Variants in AXDND1 observed in about 807,000 individuals in gnomAD.
AXDND1 encodes axonemal dynein light chain domain-containing protein 1.
A neutral mutation model predicts 137.5 loss-of-function variants in AXDND1; 110 were observed. That is an observed-to-expected ratio of 0.80 (90% CI 0.69 to 0.94). AXDND1 has a LOEUF of 0.94. Ranked by LOEUF, AXDND1 falls within the 40% of genes least tolerant of loss-of-function variation. The pLI, the probability that AXDND1 is intolerant of heterozygous loss-of-function variation, is 0.00. For synonymous variants in AXDND1, 414 were observed against 399.7 expected (o/e 1.04, Z -0.43); for missense variants, 1,191 against 1,169.8 (o/e 1.02, Z -0.26).
chr1:179,471,286 T>C (rs1663900825), intron 17 of AXDND1, among the ~76,000 whole-genome samples: 1 of 152,204 alleles, frequency 6.6e-6, no homozygotes, highest in Non-Finnish European at 1.5e-5. Flanking sequence ...TTGGAAGATA[T>C]TGTGAAGAAT....
At chr1:179,520,793 T>A (rs1669976910) in intron 21 of AXDND1, among the ~76,000 whole-genome samples, 1 of 150,740 alleles carries the variant, frequency 6.6e-6, no homozygotes, top group South Asian at 2.1e-4. Flanking sequence ...TATGCCTGAA[T>A]ATTTTATTTT....
intron 11 of AXDND1, among the ~76,000 whole-genome samples, chr1:179,409,006 G>T (rs971176147): frequency 7.5e-6 from 1 of 132,698 alleles, no homozygotes; most frequent in Non-Finnish European, 1.6e-5. Context: ...AATGACATTG[G>T]TATTTTGATA....
intron 12 of AXDND1, among the ~76,000 whole-genome samples, chr1:179,416,847 G>A (rs1654782668): frequency 6.6e-6 from 1 of 152,136 alleles, no homozygotes; most frequent in South Asian, 2.1e-4. Flanking sequence ...CAATGCTTCT[G>A]TTAGTTTCCC....
At chr1:179,396,170 T>C (rs933614505) in intron 11 of AXDND1, among the ~76,000 whole-genome samples, 2 of 99,656 alleles carry the variant, frequency 2.0e-5, no homozygotes, top group Non-Finnish European at 4.2e-5. Flanking sequence ...TTCTGTCCCA[T>C]AAAAAGAAAA....
chr1:179,419,217 C>T (rs1465089011), intron 12 of AXDND1, among the ~76,000 whole-genome samples: 2 of 151,690 alleles, frequency 1.3e-5, no homozygotes, highest in African/African-American at 2.4e-5. Flanking sequence ...GACGGGGTGG[C>T]AGCCGGGCAG....
At chr1:179,414,211 C>T (rs980974412) in intron 12 of AXDND1, among the ~76,000 whole-genome samples, 20 of 151,476 alleles carry the variant, frequency 1.3e-4, no homozygotes, top group South Asian at 4.2e-4. Flanking sequence ...AAAAACCCAA[C>T]GTATTACCTA....
At chr1:179,402,565 A>G (rs1248576127) in intron 11 of AXDND1, among the ~76,000 whole-genome samples, 1 of 152,196 alleles carries the variant, frequency 6.6e-6, no homozygotes, top group Admixed American at 6.5e-5. Flanking sequence ...TTACTTGAGA[A>G]ACTTGCAGCA....
Position 179,480,518 on chromosome 1 carries a change from A to G in AXDND1, c.1998-2610A>G, listed in dbSNP as rs913650973. ...TTCAAGATGAGATTTGGGTGGGGAT[A>G]TAGCCAAACCTTATCAGCTACTTTG... On this transcript the variant is annotated intron_variant, in intron 17 of 25. Transcript: ENST00000367618. 1.4e-4 allele frequency among the ~76,000 whole-genome samples: 21 copies of G among 152,180 alleles called. 1 individual carries two copies. The highest frequency in any genetic ancestry group is 4.6e-4 in the African/African-American group (19 of 41,442).
At position 179,509,321 on chromosome 1, in the gene AXDND1, C is replaced by T; in HGVS notation, c.2414C>T (p.Thr805Ile). Residue 805 changes from threonine (T) to isoleucine (I), a missense_variant, in exon 21 of 26, where the codon ACA (threonine) becomes ATA (isoleucine). Transcript: ENST00000367618. ...AAAGAATGTTATGAATGGATCAACA[C>T]ATGCTCTTGCCTCCTTTCTAATATC... The part of the protein sequence containing the change: ...LKKECYEWIN[T>I]CSCLLSNIKG... 6.2e-7 allele frequency: 1 copy of T among 1,611,854 alleles called. No individual in the cohort carries two copies. Among genetic ancestry groups the T allele is most frequent in the Non-Finnish European group, 8.5e-7 (1 of 1,178,344 alleles).
chr1:179,529,603 G>T (rs1670867857), intron 23 of AXDND1, among the ~76,000 whole-genome samples: 1 of 152,168 alleles, frequency 6.6e-6, no homozygotes, highest in African/African-American at 2.4e-5. Flanking sequence ...GAAGAAGCTT[G>T]GCTGGCAAAG....
chr1:179,457,157 A>T (rs1171030838), intron 16 of AXDND1: 85 of 817,480 alleles, frequency 1.0e-4, no homozygotes, highest in South Asian at 1.0e-3. Flanking sequence ...GGCATGTGAG[A>T]CAAACCCAAA....
At chr1:179,515,505 T>A (rs1209835756) in intron 21 of AXDND1, among the ~76,000 whole-genome samples, 1 of 152,162 alleles carries the variant, frequency 6.6e-6, no homozygotes, top group Non-Finnish European at 1.5e-5. Flanking sequence ...GATGTTAAGA[T>A]TCTTTTCTTC....
Position 179,433,525 on chromosome 1 carries a change from G to A in AXDND1, c.1563+1183G>A, listed in dbSNP as rs181980154. ...TAGTGCTATAAATTTCCATCTTAAC[G>A]CTGCTTTAGCTGTGTCCCAGACATT... On this transcript the variant is annotated intron_variant, in intron 15 of 25. Transcript: ENST00000367618. Among the ~76,000 whole-genome samples the A allele has an allele frequency of 5.3e-3, 806 of 152,140 alleles. 9 individuals carry two copies. The highest frequency in any genetic ancestry group is 0.019 in the African/African-American group (780 of 41,504).
chr1:179,521,029 A>G (rs907820671), intron 21 of AXDND1, among the ~76,000 whole-genome samples: 1 of 151,852 alleles, frequency 6.6e-6, no homozygotes. Flanking sequence ...CGGTCCAGTT[A>G]TGGTTCACTG....
chr1:179,436,880 A>C (rs1558177229), intron 15 of AXDND1, among the ~76,000 whole-genome samples: 1 of 152,124 alleles, frequency 6.6e-6, no homozygotes, highest in African/African-American at 2.4e-5. Context: ...TATGTTGAAC[A>C]CAAAAAGCTC....
chr1:179,373,980 A>G (rs1462157738), intron 4 of AXDND1, among the ~76,000 whole-genome samples: 1 of 152,262 alleles, frequency 6.6e-6, no homozygotes, highest in Non-Finnish European at 1.5e-5. Context: ...GACAAATGGT[A>G]TCTAATTAAA....
intron 6 of AXDND1, among the ~76,000 whole-genome samples, chr1:179,380,619 A>C (rs1648105103): frequency 1.3e-5 from 2 of 152,212 alleles, no homozygotes; most frequent in African/African-American, 4.8e-5. Flanking sequence ...TAGTTTAGAA[A>C]ATGAGAACTT....
chr1:179,441,894 G>T lies in AXDND1; in HGVS notation c.1564-3076G>T, dbSNP rs1457202904. Reference sequence around the variant, plus strand: ...ATATCAGATATGCGCTAGCAGACAAGCAAGTTCACGCCAAGTGTTTCTCAT... The same window carrying T: ...ATATCAGATATGCGCTAGCAGACAATCAAGTTCACGCCAAGTGTTTCTCAT... On this transcript the variant is annotated intron_variant, in intron 15 of 25. Transcript: ENST00000367618. Among the ~76,000 whole-genome samples the T allele has an allele frequency of 3.9e-5, 6 of 152,346 alleles. No individual in the cohort carries two copies. The East Asian group carries it at 7.7e-4, about 20-fold the overall frequency.
intron 20 of AXDND1, among the ~76,000 whole-genome samples, chr1:179,495,720 G>A (rs1437507741): frequency 6.6e-6 from 1 of 151,496 alleles, no homozygotes; most frequent in Non-Finnish European, 1.5e-5. Flanking sequence ...GCACTAATAA[G>A]ACTGTATAAT....
Sources: allele counts gnomAD v4.1 joint callset (sites outside exome capture counted in the v4.1 genomes callset), GRCh38; gene constraint gnomAD v4.1.1; transcripts MANE v1.5; gene names NCBI Gene and HGNC (gene_info 2026-07-23, HGNC 2026-07-21).